The following STK32B variants were observed in gnomAD, a reference collection of about 807,000 sequenced individuals.
The protein encoded by STK32B is serine/threonine kinase 32B.
Under a neutral mutation model 52.6 loss-of-function variants are expected in STK32B, and 43 were observed. The ratio of observed to expected loss-of-function variants is 0.82; its 90% confidence interval spans 0.64 to 1.05. STK32B has a LOEUF of 1.05. Ranked by LOEUF, STK32B falls within the 50% of genes least tolerant of loss-of-function variation. The probability of loss-of-function intolerance (pLI) is 0.00; values close to 1 mark genes in which losing one functional copy is unlikely to be tolerated. For missense variants in STK32B, 621 were observed against 534.6 expected (o/e 1.16, Z -1.59); for synonymous variants, 238 against 204.3 (o/e 1.17, Z -1.41).
At chr4:5,481,198 A>G (rs557072952) in intron 11 of STK32B, among the ~76,000 whole-genome samples, 38 of 152,330 alleles carry the variant, frequency 2.5e-4, no homozygotes, top group African/African-American at 8.7e-4. Flanking sequence ...CAGTGCCACC[A>G]ACAGTGTAAA....
chr4:5,035,939 A>G, the STK32B span, among the ~76,000 whole-genome samples: 3 of 151,714 alleles, frequency 2.0e-5, no homozygotes, highest in South Asian at 6.2e-4. Context: ...CCGCCACCAC[A>G]CCCGGCTAAT....
chr4:5,406,994 A>G (rs1316528672), intron 5 of STK32B, among the ~76,000 whole-genome samples: 1 of 152,062 alleles, frequency 6.6e-6, no homozygotes, highest in African/African-American at 2.4e-5. Context: ...AAACTTTTAC[A>G]TTCTGCTTCC....
intron 3 of STK32B, among the ~76,000 whole-genome samples, chr4:5,259,403 A>C (rs1726554060): frequency 6.6e-6 from 1 of 152,122 alleles, no homozygotes. Context: ...TAGCTTTGTG[A>C]TTTAGAGCCC....
At chr4:5,423,450 T>C (rs1712812239) in intron 6 of STK32B, among the ~76,000 whole-genome samples, 1 of 152,180 alleles carries the variant, frequency 6.6e-6, no homozygotes, top group Non-Finnish European at 1.5e-5. Flanking sequence ...TGAGGATTTA[T>C]TGACATTAAT....
chr4:5,333,824 C>T (rs1384061463), intron 4 of STK32B, among the ~76,000 whole-genome samples: 3 of 152,102 alleles, frequency 2.0e-5, no homozygotes, highest in Non-Finnish European at 4.4e-5. Flanking sequence ...TGTTGTGTTC[C>T]ATTGATGTAT....
intron 2 of STK32B, among the ~76,000 whole-genome samples, chr4:5,149,568 T>C (rs1717178872): frequency 6.6e-6 from 1 of 151,882 alleles, no homozygotes; most frequent in East Asian, 1.9e-4. Context: ...CTGCTGAGGG[T>C]TGATATTTTA....
chr4:5,438,299 G>GA (rs1311744901), intron 6 of STK32B, among the ~76,000 whole-genome samples: 5 of 152,174 alleles, frequency 3.3e-5, no homozygotes, highest in African/African-American at 9.7e-5. Context: ...GTGGGATTCG[G>GA]AATAGCACAG....
At chr4:5,088,116 AG>A (rs1712839184) in intron 1 of STK32B, among the ~76,000 whole-genome samples, 1 of 152,108 alleles carries the variant, frequency 6.6e-6, no homozygotes, top group Non-Finnish European at 1.5e-5. Flanking sequence ...AACAGAAAAA[AG>A]CTAGGAATCA....
intron 9 of STK32B, among the ~76,000 whole-genome samples, chr4:5,462,334 A>G: frequency 7.1e-6 from 1 of 140,500 alleles, no homozygotes; most frequent in East Asian, 2.1e-4. Flanking sequence ...GTATGTCTAT[A>G]TGTGTCCGTG....
At chr4:5,326,417 T>C (rs1212281558) in intron 3 of STK32B, among the ~76,000 whole-genome samples, 1 of 152,060 alleles carries the variant, frequency 6.6e-6, no homozygotes, top group Non-Finnish European at 1.5e-5. Context: ...CATGTAAATA[T>C]GAAGTTCAGG....
At chr4:5,393,370 T>C (rs886547956) in intron 4 of STK32B, among the ~76,000 whole-genome samples, 3 of 152,192 alleles carry the variant, frequency 2.0e-5, no homozygotes, top group Non-Finnish European at 4.4e-5. Context: ...TTATCCAACT[T>C]ATAAGTGAGG....
chr4:5,182,056 C>G (rs1256953870), intron 3 of STK32B, among the ~76,000 whole-genome samples: 2 of 152,212 alleles, frequency 1.3e-5, no homozygotes, highest in East Asian at 3.8e-4. Context: ...CAGAAATATT[C>G]ATGGCATCTT....
At chr4:5,081,861 C>T (rs2108776112) in intron 1 of STK32B, among the ~76,000 whole-genome samples, 1 of 152,294 alleles carries the variant, frequency 6.6e-6, no homozygotes, top group South Asian at 2.1e-4. Context: ...AAATCTTTGT[C>T]AGACAATGTA....
intron 3 of STK32B, among the ~76,000 whole-genome samples, chr4:5,246,444 C>G (rs1725456916): frequency 6.6e-6 from 1 of 152,200 alleles, no homozygotes; most frequent in Admixed American, 6.5e-5. Context: ...AAGGACTTCT[C>G]TGCATTGGTT....
the STK32B span, among the ~76,000 whole-genome samples, chr4:5,043,713 T>C: frequency 3.9e-5 from 6 of 152,222 alleles, no homozygotes; most frequent in Non-Finnish European, 8.8e-5. Flanking sequence ...CATCACAGCC[T>C]ACAGGGGCGG....
chr4:5,223,457 C>G (rs1267691940), intron 3 of STK32B, among the ~76,000 whole-genome samples: 1 of 152,064 alleles, frequency 6.6e-6, no homozygotes, highest in African/African-American at 2.4e-5. Flanking sequence ...TTGTGCCCAG[C>G]AAAGCTATGG....
intron 4 of STK32B, among the ~76,000 whole-genome samples, chr4:5,356,651 A>C (rs1362713419): frequency 6.6e-6 from 1 of 152,074 alleles, no homozygotes; most frequent in Non-Finnish European, 1.5e-5. Flanking sequence ...TTCTGGAATT[A>C]CCTCTATTTC....
rs745433800 is a variant in STK32B, at chr4:5,215,225, CA to C, written c.260+46776del. ...ATAGTGTTTTAACTGGGTTCTAAGT[CA>C]GAAAGGAAATTTCTTGGAATCTGCA... On this transcript the variant is annotated intron_variant, in intron 3 of 11. Transcript: ENST00000282908. Among the ~76,000 whole-genome samples the C allele has an allele frequency of 9.8e-4, 150 of 152,288 alleles. 1 individual carries two copies. Among genetic ancestry groups the C allele is most frequent in the Non-Finnish European group, 1.2e-3 (80 of 68,034 alleles).
chr4:5,301,590 C>G (rs1338375860), intron 3 of STK32B, among the ~76,000 whole-genome samples: 1 of 148,786 alleles, frequency 6.7e-6, no homozygotes, highest in Non-Finnish European at 1.5e-5. Context: ...TTTTATAATC[C>G]TTTTATTTCT....
Sources: allele counts gnomAD v4.1 joint callset (sites outside exome capture counted in the v4.1 genomes callset), GRCh38; gene constraint gnomAD v4.1.1; transcripts MANE v1.5; gene names NCBI Gene and HGNC (gene_info 2026-07-23, HGNC 2026-07-21).